The following NFIC variants were observed in gnomAD, a reference collection of about 807,000 sequenced individuals.
NFIC encodes the protein nuclear factor 1 C-type.
Under a neutral mutation model 54.4 loss-of-function variants are expected in NFIC, and 12 were observed. The observed-to-expected ratio is 0.22, with a 90% CI of 0.14 to 0.36. The LOEUF is 0.36. NFIC is among the 10% of genes least tolerant of loss of function. The pLI, the probability that NFIC is intolerant of heterozygous loss-of-function variation, is 1.00. For synonymous variants in NFIC, 322 were observed against 319.2 expected (o/e 1.01, Z -0.09); for missense variants, 575 against 718.2 (o/e 0.80, Z 2.28).
chr19:3,431,535 A>G (rs2145623233), intron 3 of NFIC, among the ~76,000 whole-genome samples: 1 of 149,632 alleles, frequency 6.7e-6, no homozygotes, highest in East Asian at 2.0e-4. Context: ...CGCCCAGCTA[A>G]TTTTTGTACT....
chr19:3,407,135 G>A (rs576886242), intron 2 of NFIC, among the ~76,000 whole-genome samples: 50 of 152,042 alleles, frequency 3.3e-4, no homozygotes, highest in African/African-American at 9.6e-4. Context: ...TGTTTTTGAG[G>A]TGGAGTCTCG....
rs2082691716 is a variant in NFIC at position 3,464,621 on chromosome 19, T to C, written c.*1852T>C. On this transcript the variant is annotated 3_prime_UTR_variant, in exon 11 of 11. Coordinates refer to ENST00000443272, the MANE Select transcript of NFIC (RefSeq NM_001245002.2). Reference sequence around the variant, plus strand: ...CGACCCAGGCCAAAGCCAGGGCAGGTCTCCGGGTCTCACCTGCTCCTAGCC... The same window carrying C: ...CGACCCAGGCCAAAGCCAGGGCAGGCCTCCGGGTCTCACCTGCTCCTAGCC... 1.1e-6 allele frequency: 1 copy of C among 926,636 alleles called. No homozygotes were observed. The highest frequency in any genetic ancestry group is 5.1e-5 in the South Asian group (1 of 19,688). The allele number at this position is 926,636 out of a possible 1,614,324, so 57.4% of individuals were successfully genotyped here. A position where few individuals can be genotyped will look rare whatever the true frequency, so the allele number is the denominator to read the frequency against.
At chr19:3,387,321 G>T (rs921806006) in intron 2 of NFIC, among the ~76,000 whole-genome samples, 1 of 152,138 alleles carries the variant, frequency 6.6e-6, no homozygotes, top group Non-Finnish European at 1.5e-5. Flanking sequence ...GGCCAACATG[G>T]TGAAACCCCA....
intron 2 of NFIC, 60 bp downstream of exon 2, chr19:3,382,303 C>G (rs376150340): frequency 6.4e-7 from 1 of 1,563,040 alleles, no homozygotes; most frequent in African/African-American, 1.3e-5. Context: ...GGTGGTGACA[C>G]GGGGCCAGGA....
intron 1 of NFIC, among the ~76,000 whole-genome samples, chr19:3,380,219 T>A (rs574615870): frequency 1.3e-5 from 2 of 148,462 alleles, no homozygotes; most frequent in African/African-American, 2.5e-5. Flanking sequence ...TTAGCCAGGA[T>A]GGTCTCAATC....
At chr19:3,384,073 G>A (rs1340709529) in intron 2 of NFIC, among the ~76,000 whole-genome samples, 1 of 148,184 alleles carries the variant, frequency 6.7e-6, no homozygotes, top group Non-Finnish European at 1.5e-5. Flanking sequence ...TTTTTTCCTG[G>A]AGACAGGGTC....
Position 3,416,818 on chromosome 19 carries a change from C to T in NFIC, c.563-8288C>T, listed in dbSNP as rs557459200. ...GATTACAGGCGTGAGCCACCGTGCC[C>T]ATCCTACATTTTTTTAAAAACACAA... On this transcript the variant is annotated intron_variant, in intron 2 of 10. Transcript: ENST00000443272. Among the ~76,000 whole-genome samples, 5 of 149,910 alleles carry T rather than the reference C, an allele frequency of 3.3e-5. No homozygotes were observed. The East Asian group carries it at 1.0e-3, about 30-fold the overall frequency.
upstream of NFIC, chr19:3,366,400 G>GGGGAGAGAGGAAGAGAGAGACGGA: frequency 2.1e-6 from 1 of 466,984 alleles, no homozygotes; most frequent in East Asian, 3.6e-5. Context: ...GACAGAGACG[G>GGGGAGAGAGGAAGAGAGAGACGGA]GGGAGAGAGG....
Position 3,369,313 on chromosome 19 carries a change from C to G in NFIC, c.30+2647C>G, listed in dbSNP as rs952417995. 6.6e-6 allele frequency among the ~76,000 whole-genome samples: 1 copy of G among 151,374 alleles called. No individual in the cohort carries two copies. The highest frequency in any genetic ancestry group is 2.4e-5 in the African/African-American group (1 of 41,312). On this transcript the variant is annotated intron_variant, in intron 1 of 10. Coordinates refer to ENST00000443272, the MANE Select transcript of NFIC (RefSeq NM_001245002.2). The surrounding 1 kb of genome is among the most constrained non-coding windows in gnomAD (Gnocchi z 4.3). ...CTCACCTTCCCTTTCTCCTCTGTCTCTGCGTGTCTCCCCTTGCCCCCTCTC... is the reference window on the plus strand; with the variant it reads ...CTCACCTTCCCTTTCTCCTCTGTCTGTGCGTGTCTCCCCTTGCCCCCTCTC...
chr19:3,461,924 T>G (rs867288777), intron 10 of NFIC, among the ~76,000 whole-genome samples: 2 of 149,864 alleles, frequency 1.3e-5, no homozygotes, highest in Non-Finnish European at 3.0e-5. Context: ...TGTGGTGGCA[T>G]GCGCCTGTAA....
intron 2 of NFIC, among the ~76,000 whole-genome samples, chr19:3,386,690 C>T (rs576010376): frequency 2.6e-5 from 4 of 152,210 alleles, no homozygotes; most frequent in East Asian, 1.9e-4. Flanking sequence ...CGTGGTCACA[C>T]AGCCGAGACT....
chr19:3,359,647 G>C, exon 1 of NFIC: 1 of 1,357,948 alleles, frequency 7.4e-7, no homozygotes, highest in Non-Finnish European at 9.6e-7. Flanking sequence ...GAGCGCGCTC[G>C]CTCCGGCGCC....
upstream of NFIC, among the ~76,000 whole-genome samples, chr19:3,361,929 GACAC>G (rs1186040330): frequency 3.3e-5 from 5 of 152,192 alleles, no homozygotes; most frequent in East Asian, 9.7e-4. Flanking sequence ...GACTCACATA[GACAC>G]ACACAGGCCT....
At chr19:3,397,969 C>T (rs2081491865) in intron 2 of NFIC, among the ~76,000 whole-genome samples, 1 of 152,162 alleles carries the variant, frequency 6.6e-6, no homozygotes, top group Non-Finnish European at 1.5e-5. Context: ...ATCCCTTCAT[C>T]TCTCTGTGCC....
chr19:3,418,626 A>C (rs1223580490), intron 2 of NFIC, among the ~76,000 whole-genome samples: 2 of 152,058 alleles, frequency 1.3e-5, no homozygotes, highest in Non-Finnish European at 2.9e-5. Flanking sequence ...CCGAGGCAGG[A>C]GGATCACTTG....
At position 3,464,860 on chromosome 19, in the gene NFIC, C is replaced by T. The variant is rs2082695641; in HGVS notation, c.*2091C>T. On this transcript the variant is annotated 3_prime_UTR_variant, in exon 11 of 11. Transcript: ENST00000443272. ...CCCTTGGGGATCAAAGCGTGGGCCG[C>T]TCTCCGGGAGGGCGGGCGGGGGAGG... The T allele has an allele frequency of 1.1e-5, 3 of 275,938 alleles. No homozygotes were observed. The South Asian group carries it at 4.2e-4, about 39-fold the overall frequency. The allele number at this position is 275,938 out of a possible 1,614,324, so 17.1% of individuals were successfully genotyped here.
At chr19:3,420,173 T>A (rs1194994997) in intron 2 of NFIC, among the ~76,000 whole-genome samples, 1 of 152,000 alleles carries the variant, frequency 6.6e-6, no homozygotes, top group Non-Finnish European at 1.5e-5. Flanking sequence ...ATACAAAAAT[T>A]AGCCAGATGT....
chr19:3,429,732 C>A (rs888323815), intron 3 of NFIC, among the ~76,000 whole-genome samples: 6 of 152,200 alleles, frequency 3.9e-5, no homozygotes, highest in Admixed American at 2.6e-4. Flanking sequence ...AAGCCAAGAG[C>A]CTGTCCCACC....
intron 1 of NFIC, among the ~76,000 whole-genome samples, chr19:3,373,886 C>G (rs948649273): frequency 6.6e-6 from 1 of 152,118 alleles, no homozygotes; most frequent in Non-Finnish European, 1.5e-5. Context: ...TCTCTGGGAG[C>G]CGTTCACATG....
Sources: allele counts gnomAD v4.1 joint callset (sites outside exome capture counted in the v4.1 genomes callset), GRCh38; gene constraint gnomAD v4.1.1; non-coding constraint Gnocchi (gnomAD v3.1); transcripts MANE v1.5; gene names NCBI Gene and HGNC (gene_info 2026-07-23, HGNC 2026-07-21).